The following JARID2 variants were observed in gnomAD, a reference collection of about 807,000 sequenced individuals.
JARID2 encodes the protein protein Jumonji.
Under a neutral mutation model 125.6 loss-of-function variants are expected in JARID2, and 21 were observed. The ratio of observed to expected loss-of-function variants is 0.17; its 90% CI spans 0.12 to 0.24. The LOEUF is 0.24. Among genes scored for constraint, JARID2 ranks in the 10% least tolerant of loss-of-function variants. JARID2 has a pLI of 1.00. For synonymous variants in JARID2, 736 were observed against 661.6 expected, an observed-to-expected ratio of 1.11 and a Z score of -1.73; for missense variants, 1,303 against 1,639.6, an observed-to-expected ratio of 0.79 and a Z score of 3.55.
At chr6:15,294,295 C>T (rs949993365) in intron 1 of JARID2, among the ~76,000 whole-genome samples, 12 of 152,084 alleles carry the variant, frequency 7.9e-5, no homozygotes, top group Non-Finnish European at 1.0e-4. Flanking sequence ...CGGGTTCAAG[C>T]GATTCTTCTG....
chr6:15,411,829 GCCATCAC>G (rs913489192), intron 3 of JARID2, among the ~76,000 whole-genome samples: 26 of 152,284 alleles, frequency 1.7e-4, no homozygotes, highest in African/African-American at 6.0e-4. Flanking sequence ...TATGTGGCTG[GCCATCAC>G]CCTCACTTCT....
At chr6:15,300,505 AC>A (rs1332798246) in intron 1 of JARID2, among the ~76,000 whole-genome samples, 1 of 152,034 alleles carries the variant, frequency 6.6e-6, no homozygotes, top group African/African-American at 2.4e-5. Context: ...AATAAACTGT[AC>A]CCGTAATTCA....
intron 5 of JARID2, among the ~76,000 whole-genome samples, chr6:15,470,318 A>T (rs927148442): frequency 2.6e-5 from 4 of 152,212 alleles, no homozygotes; most frequent in African/African-American, 9.6e-5. Flanking sequence ...CCTGTAAGAT[A>T]AAGAAGCCTT....
intron 3 of JARID2, among the ~76,000 whole-genome samples, chr6:15,432,924 G>A (rs544639105): frequency 2.0e-5 from 3 of 152,280 alleles, no homozygotes; most frequent in Admixed American, 1.3e-4. Context: ...ACATGTAAGC[G>A]TGCATCAGAA....
intron 3 of JARID2, among the ~76,000 whole-genome samples, chr6:15,415,263 C>T (rs1250534016): frequency 7.2e-5 from 11 of 152,256 alleles, no homozygotes; most frequent in African/African-American, 2.7e-4. Flanking sequence ...CCTTCCCCAC[C>T]TTTCCCCCCT....
intron 1 of JARID2, chr6:15,248,832 G>C (rs1759312284): frequency 5.8e-6 from 5 of 865,558 alleles, no homozygotes; most frequent in Non-Finnish European, 6.9e-6. Flanking sequence ...GGCGCGGCGG[G>C]GCGGCGGGGG....
At chr6:15,409,704 T>C (rs139706554) in intron 2 of JARID2, among the ~76,000 whole-genome samples, 1 of 152,314 alleles carries the variant, frequency 6.6e-6, no homozygotes, top group African/African-American at 2.4e-5. Context: ...TACAATCTAA[T>C]CTTGTAGATG....
intron 3 of JARID2, among the ~76,000 whole-genome samples, chr6:15,413,002 G>GTTGTTTT (rs1554133602): frequency 4.3e-5 from 2 of 46,532 alleles, no homozygotes; most frequent in African/African-American, 1.9e-4. Context: ...AAGAGCTTGT[G>GTTGTTTT]TTTTTGTTTT....
At chr6:15,426,715 A>T (rs1283105255) in intron 3 of JARID2, among the ~76,000 whole-genome samples, 1 of 152,162 alleles carries the variant, frequency 6.6e-6, no homozygotes, top group Non-Finnish European at 1.5e-5. Flanking sequence ...AACAAACCCC[A>T]ATCTTGCTTG....
intron 1 of JARID2, among the ~76,000 whole-genome samples, chr6:15,267,586 G>C (rs1760134751): frequency 6.6e-6 from 1 of 152,106 alleles, no homozygotes; most frequent in South Asian, 2.1e-4. Context: ...TGAATTTTCT[G>C]GTTGACTGTT....
chr6:15,436,373 T>C (rs930608991), intron 3 of JARID2, among the ~76,000 whole-genome samples: 3 of 152,222 alleles, frequency 2.0e-5, no homozygotes, highest in African/African-American at 7.2e-5. Context: ...CTGCCAGTGC[T>C]CTTCTGCGGC....
chr6:15,345,664 C>G (rs1347841257), intron 1 of JARID2, among the ~76,000 whole-genome samples: 1 of 152,184 alleles, frequency 6.6e-6, no homozygotes, highest in African/African-American at 2.4e-5. Flanking sequence ...CATTTTCTAG[C>G]TTTTATAAGT....
intron 1 of JARID2, among the ~76,000 whole-genome samples, chr6:15,368,097 A>G (rs566089960): frequency 6.6e-6 from 1 of 152,338 alleles, no homozygotes; most frequent in East Asian, 1.9e-4. Context: ...AAACTATATC[A>G]AAACAATCTG....
chr6:15,277,351 T>G (rs1760565116), intron 1 of JARID2, among the ~76,000 whole-genome samples: 1 of 152,148 alleles, frequency 6.6e-6, no homozygotes, highest in Non-Finnish European at 1.5e-5. Context: ...TTGGAACTCC[T>G]GGGCTCTAGC....
At chr6:15,329,354 A>C (rs978633577) in intron 1 of JARID2, among the ~76,000 whole-genome samples, 1 of 152,066 alleles carries the variant, frequency 6.6e-6, no homozygotes, top group Non-Finnish European at 1.5e-5. Flanking sequence ...AGCTGCTGCT[A>C]GCAGCAAGCA....
intron 6 of JARID2, among the ~76,000 whole-genome samples, chr6:15,489,108 A>G (rs1770022922): frequency 6.6e-6 from 1 of 152,242 alleles, no homozygotes; most frequent in Non-Finnish European, 1.5e-5. Flanking sequence ...GAAGCAACCC[A>G]GGGAGAAAGA....
chr6:15,379,027 T>A (rs1764479280), intron 2 of JARID2, among the ~76,000 whole-genome samples: 1 of 152,182 alleles, frequency 6.6e-6, no homozygotes, highest in South Asian at 2.1e-4. Context: ...AGCAGTGAGC[T>A]CAGCTGCCCT....
intron 1 of JARID2, among the ~76,000 whole-genome samples, chr6:15,249,152 GT>G (rs1399392818): frequency 6.6e-6 from 1 of 152,246 alleles, no homozygotes; most frequent in Non-Finnish European, 1.5e-5. Context: ...CAGTGCTTAT[GT>G]AAAGAAATGA....
chr6:15,248,464 C>T (rs1759283247), intron 1 of JARID2: 1 of 122,406 alleles, frequency 8.2e-6, no homozygotes, highest in African/African-American at 3.0e-5. Context: ...CGTGGGCGTG[C>T]CGGGGAGGGG....
Sources: gnomAD v4.1 joint callset for allele counts (sites outside exome capture counted in the v4.1 genomes callset) on GRCh38, gnomAD v4.1.1 for gene constraint, MANE v1.5 for transcripts, NCBI Gene and HGNC (gene_info 2026-07-23, HGNC 2026-07-21) for gene names.